Variants in TMEM242 observed in about 807,000 individuals in gnomAD.
TMEM242 encodes the protein transmembrane protein 242, also known as UPF0463 transmembrane protein C6orf35.
TMEM242 carries 10 observed loss-of-function variants against 18.2 expected under a neutral mutation model. That is an observed-to-expected ratio of 0.55 (90% CI 0.34 to 0.93). The LOEUF (loss-of-function observed/expected upper bound fraction) is 0.93. TMEM242 is among the 40% of genes least tolerant of loss of function. The probability of loss-of-function intolerance (pLI) is 0.02; values close to 1 mark genes in which losing one functional copy is unlikely to be tolerated. For synonymous variants in TMEM242, 57 were observed against 69.9 expected, an observed-to-expected ratio of 0.81 and a Z score of 0.92; for missense variants, 186 against 175.5, an observed-to-expected ratio of 1.06 and a Z score of -0.34.
chr6:157,311,522 A>C (rs1293454081), intron 3 of TMEM242, among the ~76,000 whole-genome samples: 93 of 11,218 alleles, frequency 8.3e-3, no homozygotes, highest in Non-Finnish European at 0.011. Flanking sequence ...CCCAGTGTGC[A>C]CTCAACCGGC....
Position 157,301,393 on chromosome 6 carries a change from C to G in TMEM242, c.328-8394G>C, listed in dbSNP as rs587674115. Among the ~76,000 whole-genome samples, 2 of 152,066 alleles carry G rather than the reference C, an allele frequency of 1.3e-5. 1 individual carries two copies. Among genetic ancestry groups the G allele is most frequent in the South Asian group, 4.2e-4 (2 of 4,818 alleles). On this transcript the variant is annotated intron_variant, in intron 3 of 3. Coordinates refer to ENST00000400788, the MANE Select transcript of TMEM242 (RefSeq NM_018452.6). ...ATGGCATGGTCTCAGCTCACTGCAA[C>G]CTCTGCCTCCCAGGTTCAAGCCATT...
chr6:157,303,356 T>C (rs1302613456), intron 3 of TMEM242, among the ~76,000 whole-genome samples: 3 of 152,122 alleles, frequency 2.0e-5, no homozygotes, highest in African/African-American at 7.2e-5. Flanking sequence ...GTAAAATGGG[T>C]AGGTGGCACC....
At position 157,322,526 on chromosome 6, in the gene TMEM242, A is replaced by G. The variant is rs587685305; in HGVS notation, c.189+179T>C. 4.1e-4 allele frequency among the ~76,000 whole-genome samples: 63 copies of G among 152,386 alleles called. No homozygotes were observed. The South Asian group carries it at 0.013, about 32-fold the overall frequency. ...AAAATTTAAGAAAGCACATAAGTAC[A>G]TCCTTCTAAATGAAAATAAAGACTT... On this transcript the variant is annotated intron_variant, in intron 2 of 3. Transcript: ENST00000400788.
chr6:157,323,033 T>C (rs1778520429), intron 1 of TMEM242, among the ~76,000 whole-genome samples: 1 of 152,170 alleles, frequency 6.6e-6, no homozygotes, highest in African/African-American at 2.4e-5. Context: ...CGAATTATTA[T>C]TCCCGAGCGC....
chr6:157,313,351 C>T (rs199960250), intron 3 of TMEM242, among the ~76,000 whole-genome samples: 69 of 145,598 alleles, frequency 4.7e-4, no homozygotes, highest in Non-Finnish European at 5.2e-4. Context: ...CCCCAGTGTG[C>T]GCTCACCTGG....
intron 3 of TMEM242, among the ~76,000 whole-genome samples, chr6:157,297,234 C>T (rs1269568026): frequency 6.6e-6 from 1 of 152,234 alleles, no homozygotes; most frequent in African/African-American, 2.4e-5. Flanking sequence ...GCAAATCTGA[C>T]TGCACAGCCT....
rs1777698905 is a variant in TMEM242 at position 157,292,681 on chromosome 6, A to G, written c.*220T>C. ...TAAGGAAGTTATTCCTGTAATTACTATTTTTAAATAGTCTTCTTAACTGTG... is the reference window on the plus strand; with the variant it reads ...TAAGGAAGTTATTCCTGTAATTACTGTTTTTAAATAGTCTTCTTAACTGTG... On this transcript the variant is annotated 3_prime_UTR_variant, in exon 4 of 4. Transcript: ENST00000400788. The G allele has an allele frequency of 2.6e-6, 1 of 384,416 alleles. No homozygotes were observed. The highest frequency in any genetic ancestry group is 4.6e-6 in the Non-Finnish European group (1 of 216,874). The allele number at this position is 384,416 out of a possible 1,614,324, so 23.8% of individuals were successfully genotyped here.
chr6:157,298,589 C>T (rs1350732992), intron 3 of TMEM242, among the ~76,000 whole-genome samples: 2 of 152,228 alleles, frequency 1.3e-5, no homozygotes, highest in East Asian at 1.9e-4. Flanking sequence ...GAAATGAAGG[C>T]GGTTTCAAGA....
In TMEM242 at chr6:157,291,308, C is replaced by G. The variant is rs1777680273; in HGVS notation, c.*1593G>C. 6.6e-6 allele frequency: 1 copy of G among 151,886 alleles called. No individual in the cohort carries two copies. Among genetic ancestry groups the G allele is most frequent in the Non-Finnish European group, 1.5e-5 (1 of 67,868 alleles). 9.4% of individuals were successfully genotyped at this position (151,886 alleles called of 1,614,324 possible). ...TAGGTAGTGCCCATTCTTTTTCCCC[C>G]CACATCAAACGAGTAAAGTGCATCG... On this transcript the variant is annotated 3_prime_UTR_variant, in exon 4 of 4. Transcript: ENST00000400788.
At chr6:157,300,103 C>A (rs1777807280) in intron 3 of TMEM242, 1 of 654,110 alleles carries the variant, frequency 1.5e-6, no homozygotes, top group Admixed American at 2.5e-5. Context: ...GGCTGGCCTG[C>A]ACAACAGACA....
Position 157,318,868 on chromosome 6 carries a change from G to C in TMEM242, c.241C>G (p.Arg81Gly). The change falls in exon 3 of 4, where the codon CGA becomes GGA. Residue 81 changes from arginine to glycine, a missense_variant. Physicochemically the swap from Arg to Gly is moderately radical, Grantham distance 125. Coordinates refer to ENST00000400788, the MANE Select transcript of TMEM242 (RefSeq NM_018452.6). ...TACAGGGAGCCCCAGCCCAGAGCTC[G>C]CAAGGCAAGGGAAGACCCGCTTTCC... is the stretch of plus-strand genomic sequence containing the variant. Reference protein sequence around the residue: ...LPESGSSLALRALGWGSLYAW... With the variant: ...LPESGSSLALGALGWGSLYAW... 6.2e-7 allele frequency: 1 copy of C among 1,613,102 alleles called. No individual in the cohort carries two copies. The highest frequency in any genetic ancestry group is 2.2e-5 in the East Asian group (1 of 44,874).
chr6:157,294,365 T>C (rs1777722757), intron 3 of TMEM242, among the ~76,000 whole-genome samples: 2 of 148,622 alleles, frequency 1.3e-5, no homozygotes, highest in African/African-American at 2.5e-5. Flanking sequence ...TTTTTTTTTT[T>C]TTTGAGACGG....
chr6:157,314,371 C>CACCCGGCCTCATCACAGTGT (rs1778344669), intron 3 of TMEM242, among the ~76,000 whole-genome samples: 7 of 67,558 alleles, frequency 1.0e-4, no homozygotes, highest in Admixed American at 3.0e-4. Flanking sequence ...AGCATGCATT[C>CACCCGGCCTCATCACAGTGT]CCATGATCAT....
intron 3 of TMEM242, chr6:157,299,607 T>C: frequency 6.3e-6 from 10 of 1,595,076 alleles, no homozygotes; most frequent in Admixed American, 1.7e-5. Context: ...TTGGAAACAA[T>C]AATCAGCTTG....
chr6:157,308,005 C>A (rs1328769647), intron 3 of TMEM242, among the ~76,000 whole-genome samples: 5 of 152,194 alleles, frequency 3.3e-5, no homozygotes, highest in Non-Finnish European at 7.3e-5. Flanking sequence ...TCACACTTCC[C>A]CTGCAGATCC....
intron 3 of TMEM242, among the ~76,000 whole-genome samples, chr6:157,307,230 A>G (rs1777927765): frequency 6.6e-6 from 1 of 152,212 alleles, no homozygotes; most frequent in Non-Finnish European, 1.5e-5. Context: ...AAGGACAAAG[A>G]AAAAGAAAAC....
intron 3 of TMEM242, among the ~76,000 whole-genome samples, chr6:157,293,718 A>G (rs1554247006): frequency 6.6e-6 from 1 of 152,002 alleles, no homozygotes; most frequent in African/African-American, 2.4e-5. Context: ...TTGATTTGGA[A>G]TCAGAGTCAC....
At chr6:157,312,922 T>C (rs1554249517) in intron 3 of TMEM242, among the ~76,000 whole-genome samples, 9 of 151,512 alleles carry the variant, frequency 5.9e-5, no homozygotes, top group African/African-American at 1.7e-4. Context: ...TCACCCGGCA[T>C]CATCATAGTG....
At position 157,291,523 on chromosome 6, in the gene TMEM242, A is replaced by G. The variant is rs1377521398; in HGVS notation, c.*1378T>C. 6.6e-6 allele frequency: 1 copy of G among 152,198 alleles called. No individual in the cohort carries two copies. The allele number at this position is 152,198 out of a possible 1,614,324, so 9.4% of individuals were successfully genotyped here. On this transcript the variant is annotated 3_prime_UTR_variant, in exon 4 of 4. Transcript: ENST00000400788. ...AAGCCTACAGATCTCTTCTCAGAGG[A>G]GATTTAGTTACAAATGAAAGGCAGT...
Sources: gnomAD v4.1 joint callset for allele counts (sites outside exome capture counted in the v4.1 genomes callset) on GRCh38, gnomAD v4.1.1 for gene constraint, MANE v1.5 for transcripts, NCBI Gene and HGNC (gene_info 2026-07-23, HGNC 2026-07-21) for gene names.